Variants in RORB observed in about 807,000 individuals in gnomAD.
RORB encodes the protein nuclear receptor ROR-beta.
RORB carries 6 observed loss-of-function variants against 59.1 expected under a neutral mutation model. The ratio of observed to expected loss-of-function variants is 0.10; its 90% confidence interval spans 0.06 to 0.20. The LOEUF is 0.20. RORB is among the 10% of genes least tolerant of loss of function. The pLI is 1.00. For missense variants in RORB, 320 were observed against 560.5 expected, an observed-to-expected ratio of 0.57 and a Z score of 4.33; for synonymous variants, 215 against 204.5, an observed-to-expected ratio of 1.05 and a Z score of -0.44.
chr9:74,644,653 G>C (rs1393947198), intron 4 of RORB, among the ~76,000 whole-genome samples: 1 of 152,132 alleles, frequency 6.6e-6, no homozygotes, highest in African/African-American at 2.4e-5. Context: ...AACTTTTCAA[G>C]AGGGAAAAGG....
At chr9:74,588,076 A>T (rs1385485415) in intron 1 of RORB, among the ~76,000 whole-genome samples, 1 of 152,168 alleles carries the variant, frequency 6.6e-6, no homozygotes, top group Non-Finnish European at 1.5e-5. Context: ...TTTTTTAAAC[A>T]GTAAGTTTTC....
intron 1 of RORB, among the ~76,000 whole-genome samples, chr9:74,549,594 AAGGAAGGAAGGAAGAAAGG>A (rs1826568346): frequency 6.0e-5 from 4 of 66,232 alleles, no homozygotes; most frequent in African/African-American, 2.3e-4. Context: ...GGAAGGAAGG[AAGGAAGGAAGGAAGAAAGG>A]AAGGAAGGAA....
At chr9:74,507,094 C>T (rs1236925290) in intron 1 of RORB, among the ~76,000 whole-genome samples, 2 of 152,038 alleles carry the variant, frequency 1.3e-5, no homozygotes, top group Non-Finnish European at 2.9e-5. Context: ...CAATTTGTCT[C>T]TGGTGTTCCT....
intron 1 of RORB, among the ~76,000 whole-genome samples, chr9:74,613,786 G>A (rs1249508272): frequency 1.3e-5 from 2 of 152,176 alleles, no homozygotes; most frequent in Admixed American, 1.3e-4. Context: ...GAAAAGTGGA[G>A]ATGTTTAAGA....
intron 1 of RORB, among the ~76,000 whole-genome samples, chr9:74,564,492 G>A (rs759312886): frequency 3.9e-5 from 6 of 152,102 alleles, no homozygotes; most frequent in Non-Finnish European, 5.9e-5. Flanking sequence ...ACTGTAACTC[G>A]CAAGCCCACC....
chr9:74,621,594 G>T (rs374194932), intron 1 of RORB, among the ~76,000 whole-genome samples: 1 of 152,162 alleles, frequency 6.6e-6, no homozygotes, highest in Non-Finnish European at 1.5e-5. Flanking sequence ...CAGTTCAATG[G>T]TAAATACCTA....
chr9:74,583,177 T>A (rs1025974949), intron 1 of RORB, among the ~76,000 whole-genome samples: 2 of 152,176 alleles, frequency 1.3e-5, no homozygotes, highest in African/African-American at 4.8e-5. Context: ...CTTTTTAATC[T>A]AGGGCTCATG....
At chr9:74,677,996 A>T (rs1231122844) in intron 9 of RORB, among the ~76,000 whole-genome samples, 1 of 152,244 alleles carries the variant, frequency 6.6e-6, no homozygotes, top group African/African-American at 2.4e-5. Flanking sequence ...CTCACTGACT[A>T]CAATGAAAAG....
intron 4 of RORB, among the ~76,000 whole-genome samples, chr9:74,655,602 A>C (rs181246338): frequency 2.6e-5 from 4 of 152,242 alleles, no homozygotes; most frequent in Admixed American, 1.3e-4. Context: ...TACCTTTTCT[A>C]CTTTTCCAAG....
chr9:74,514,068 C>G (rs1825977666), intron 1 of RORB, among the ~76,000 whole-genome samples: 1 of 152,084 alleles, frequency 6.6e-6, no homozygotes, highest in African/African-American at 2.4e-5. Flanking sequence ...CTTTGAAGAA[C>G]CCAGAATGAT....
intron 4 of RORB, among the ~76,000 whole-genome samples, chr9:74,659,684 A>T (rs1181526963): frequency 6.6e-6 from 1 of 151,462 alleles, no homozygotes; most frequent in East Asian, 1.9e-4. Context: ...TTTAGTAGAG[A>T]TGGGGTTTCA....
chr9:74,541,954 G>A (rs969778665), intron 1 of RORB, among the ~76,000 whole-genome samples: 2 of 152,090 alleles, frequency 1.3e-5, no homozygotes, highest in African/African-American at 4.8e-5. Context: ...TTCTCTTGTG[G>A]ATTTTCAGCC....
intron 1 of RORB, among the ~76,000 whole-genome samples, chr9:74,539,358 G>T (rs1261103843): frequency 6.6e-6 from 1 of 152,142 alleles, no homozygotes; most frequent in Non-Finnish European, 1.5e-5. Flanking sequence ...TATCTTTAGA[G>T]AAACTACTTC....
intron 1 of RORB, among the ~76,000 whole-genome samples, chr9:74,575,625 T>C (rs1338530998): frequency 6.6e-6 from 1 of 152,102 alleles, no homozygotes; most frequent in African/African-American, 2.4e-5. Context: ...AGGCTAATTA[T>C]TTCAAAAGGC....
chr9:74,553,408 C>T (rs1826642120), intron 1 of RORB, among the ~76,000 whole-genome samples: 1 of 151,790 alleles, frequency 6.6e-6, no homozygotes, highest in Non-Finnish European at 1.5e-5. Context: ...ATTTTGAGAC[C>T]CGGAGTAGTA....
intron 1 of RORB, among the ~76,000 whole-genome samples, chr9:74,588,332 A>G (rs977810169): frequency 1.3e-5 from 2 of 152,214 alleles, no homozygotes; most frequent in Non-Finnish European, 2.9e-5. Flanking sequence ...TATGTAGAAC[A>G]GTACAAAAAG....
chr9:74,535,504 G>A (rs1826308614), intron 1 of RORB, among the ~76,000 whole-genome samples: 1 of 151,772 alleles, frequency 6.6e-6, no homozygotes, highest in South Asian at 2.1e-4. Context: ...CGCAATCACG[G>A]GAGGCTTCTG....
chr9:74,553,084 A>ATAAAGAGTTTGGATTT (rs1349071018), intron 1 of RORB, among the ~76,000 whole-genome samples: 43 of 152,272 alleles, frequency 2.8e-4, no homozygotes, highest in African/African-American at 1.0e-3. Flanking sequence ...AGGAGCCTTG[A>ATAAAGAGTTTGGATTT]TAAAGAGTTT....
chr9:74,513,872 C>A (rs1337970561), intron 1 of RORB, among the ~76,000 whole-genome samples: 1 of 151,974 alleles, frequency 6.6e-6, no homozygotes, highest in East Asian at 1.9e-4. Flanking sequence ...ACATCCTTTG[C>A]AGTGTTATTG....
Sources: gnomAD v4.1 joint callset for allele counts (sites outside exome capture counted in the v4.1 genomes callset) on GRCh38, gnomAD v4.1.1 for gene constraint, MANE v1.5 for transcripts, NCBI Gene and HGNC (gene_info 2026-07-23, HGNC 2026-07-21) for gene names.